The following GRID2 variants were observed in gnomAD, a reference collection of about 807,000 sequenced individuals.
GRID2 encodes the protein glutamate receptor ionotropic, delta-2.
A neutral mutation model predicts 114.8 loss-of-function variants in GRID2; 33 were observed. The ratio of observed to expected loss-of-function variants is 0.29; its 90% CI spans 0.22 to 0.38. The LOEUF (loss-of-function observed/expected upper bound fraction) is 0.38. GRID2 is among the 10% of genes least tolerant of loss of function. GRID2 has a pLI of 1.00. For missense variants in GRID2, 1,184 were observed against 1,257.7 expected (o/e 0.94, Z 0.89); for synonymous variants, 505 against 449.9 (o/e 1.12, Z -1.55).
chr4:93,399,514 G>C (rs1011855443), intron 9 of GRID2, among the ~76,000 whole-genome samples: 1 of 152,106 alleles, frequency 6.6e-6, no homozygotes, highest in African/African-American at 2.4e-5. Context: ...GATGTAAATA[G>C]TGTTAAAGGA....
chr4:93,090,088 G>T (rs570205322), intron 3 of GRID2, among the ~76,000 whole-genome samples: 1 of 152,210 alleles, frequency 6.6e-6, no homozygotes, highest in South Asian at 2.1e-4. Flanking sequence ...TTTCTACAAC[G>T]TTGTTGGCTA....
At chr4:92,732,247 A>G (rs1024503122) in intron 2 of GRID2, among the ~76,000 whole-genome samples, 10 of 152,002 alleles carry the variant, frequency 6.6e-5, no homozygotes, top group African/African-American at 1.9e-4. Context: ...CATTGTGTGT[A>G]TGTTTGTATA....
intron 2 of GRID2, among the ~76,000 whole-genome samples, chr4:92,667,383 A>G (rs909297431): frequency 6.6e-6 from 1 of 151,626 alleles, no homozygotes; most frequent in African/African-American, 2.4e-5. Flanking sequence ...TTTTTATTGT[A>G]ATTATACTTT....
At chr4:93,168,126 G>A (rs1000532266) in intron 4 of GRID2, among the ~76,000 whole-genome samples, 3 of 151,972 alleles carry the variant, frequency 2.0e-5, no homozygotes, top group Admixed American at 6.6e-5. Context: ...AACCCATGAG[G>A]CAGAGTTTGC....
At chr4:93,277,775 C>T (rs1752212214) in intron 8 of GRID2, among the ~76,000 whole-genome samples, 1 of 151,816 alleles carries the variant, frequency 6.6e-6, no homozygotes, top group South Asian at 2.1e-4. Context: ...AAAGTATCTG[C>T]CCCTCTTTGC....
At chr4:92,809,593 G>A (rs999192049) in intron 2 of GRID2, among the ~76,000 whole-genome samples, 1 of 151,792 alleles carries the variant, frequency 6.6e-6, no homozygotes, top group Non-Finnish European at 1.5e-5. Flanking sequence ...ATTCCATTTC[G>A]CAATACTCCT....
intron 2 of GRID2, among the ~76,000 whole-genome samples, chr4:92,795,403 C>T (rs986972118): frequency 6.6e-6 from 1 of 151,878 alleles, no homozygotes; most frequent in Non-Finnish European, 1.5e-5. Context: ...TGCCTTTCAC[C>T]TCCAGCCATG....
chr4:92,307,330 G>A (rs1466268236), intron 1 of GRID2, among the ~76,000 whole-genome samples: 1 of 152,034 alleles, frequency 6.6e-6, no homozygotes, highest in African/African-American at 2.4e-5. Flanking sequence ...TTCACCTCTA[G>A]CGATGGAAGG....
chr4:93,790,584 G>A (rs2110358312), intron 1 of GRID2, among the ~76,000 whole-genome samples: 2 of 147,610 alleles, frequency 1.4e-5, no homozygotes, highest in Non-Finnish European at 3.0e-5. Flanking sequence ...GTCTTGCTCT[G>A]TCGCCAGGCT....
intron 4 of GRID2, among the ~76,000 whole-genome samples, chr4:93,199,706 A>G (rs1368287741): frequency 1.3e-5 from 2 of 152,174 alleles, no homozygotes; most frequent in African/African-American, 4.8e-5. Flanking sequence ...CTCAAGGGGA[A>G]ATGCAAACAA....
At chr4:93,387,528 C>T (rs1764436043) in intron 8 of GRID2, among the ~76,000 whole-genome samples, 1 of 152,036 alleles carries the variant, frequency 6.6e-6, no homozygotes, top group Admixed American at 6.6e-5. Flanking sequence ...CTTAAAGCAT[C>T]ATATAAGAAA....
intron 8 of GRID2, chr4:93,282,272 G>A (rs1018895511): frequency 6.2e-6 from 2 of 323,946 alleles, no homozygotes; most frequent in Non-Finnish European, 1.2e-5. Flanking sequence ...CTTATCTCAG[G>A]TAGTAAAAAC....
At chr4:92,665,319 G>C (rs62309227) in intron 2 of GRID2, among the ~76,000 whole-genome samples, 1 of 149,186 alleles carries the variant, frequency 6.7e-6, no homozygotes, top group Non-Finnish European at 1.5e-5. Context: ...CTCCTTGGCA[G>C]CTTAGTTTCC....
intron 1 of GRID2, among the ~76,000 whole-genome samples, chr4:92,414,223 A>G (rs1186569363): frequency 6.6e-6 from 1 of 152,172 alleles, no homozygotes; most frequent in Non-Finnish European, 1.5e-5. Context: ...AAAAGTTAAA[A>G]GCATCTTCTC....
chr4:92,592,254 T>C (rs1176876135), intron 2 of GRID2, among the ~76,000 whole-genome samples: 1 of 152,062 alleles, frequency 6.6e-6, no homozygotes, highest in African/African-American at 2.4e-5. Flanking sequence ...ATCTTCTTAG[T>C]AACTACATAT....
intron 5 of GRID2, among the ~76,000 whole-genome samples, chr4:93,215,970 CT>C (rs1485508221): frequency 2.0e-5 from 3 of 151,996 alleles, no homozygotes; most frequent in Admixed American, 6.6e-5. Context: ...ACCAACTTCT[CT>C]AGTAAAGACT....
At chr4:93,408,655 A>G (rs1766785443) in intron 9 of GRID2, among the ~76,000 whole-genome samples, 2 of 152,194 alleles carry the variant, frequency 1.3e-5, no homozygotes, top group South Asian at 4.1e-4. Flanking sequence ...GTGCCTTATT[A>G]TTAATCTTAA....
intron 2 of GRID2, among the ~76,000 whole-genome samples, chr4:93,000,122 G>GTA (rs1384356945): frequency 6.6e-6 from 1 of 151,616 alleles, no homozygotes; most frequent in African/African-American, 2.4e-5. Context: ...GATGCTTAAT[G>GTA]TATAGTCTTT....
At chr4:93,026,550 C>G (rs1474207035) in intron 2 of GRID2, among the ~76,000 whole-genome samples, 1 of 151,590 alleles carries the variant, frequency 6.6e-6, no homozygotes, top group Admixed American at 6.6e-5. Flanking sequence ...TTTTTTTTCT[C>G]ATCCATAAGT....
Sources: gnomAD v4.1 joint callset for allele counts (sites outside exome capture counted in the v4.1 genomes callset) on GRCh38, gnomAD v4.1.1 for gene constraint, MANE v1.5 for transcripts, NCBI Gene and HGNC (gene_info 2026-07-23, HGNC 2026-07-21) for gene names.